The following GALNT13 variants were observed in gnomAD, a reference collection of about 807,000 sequenced individuals.
GALNT13 encodes the protein polypeptide N-acetylgalactosaminyltransferase 13.
Under a neutral mutation model 64.2 loss-of-function variants are expected in GALNT13, and 28 were observed. The ratio of observed to expected loss-of-function variants is 0.44; its 90% CI spans 0.32 to 0.60. The LOEUF (loss-of-function observed/expected upper bound fraction) is 0.60, where lower values mean the gene tolerates loss of function less well. Among genes scored for constraint, GALNT13 ranks in the 20% least tolerant of loss-of-function variants. GALNT13 has a pLI of 0.05. For synonymous variants in GALNT13, 214 were observed against 224.6 expected, an observed-to-expected ratio of 0.95 and a Z score of 0.42; for missense variants, 577 against 669.8, an observed-to-expected ratio of 0.86 and a Z score of 1.53.
chr2:154,129,043 T>G (rs2105540727), intron 3 of GALNT13, among the ~76,000 whole-genome samples: 1 of 152,296 alleles, frequency 6.6e-6, no homozygotes, highest in Non-Finnish European at 1.5e-5. Context: ...TTATTGTTTT[T>G]TTAGCATCAC....
At chr2:153,841,277 T>A in the GALNT13 span, among the ~76,000 whole-genome samples, 1 of 152,160 alleles carries the variant, frequency 6.6e-6, no homozygotes, top group East Asian at 1.9e-4. Flanking sequence ...AATTACCACC[T>A]TTAAAAATAC....
At chr2:153,530,887 A>G in the GALNT13 span, among the ~76,000 whole-genome samples, 1 of 152,194 alleles carries the variant, frequency 6.6e-6, no homozygotes, top group Non-Finnish European at 1.5e-5. Context: ...CAAAAATCAA[A>G]TAAAAATTGA....
At chr2:153,083,003 A>G in the GALNT13 span, among the ~76,000 whole-genome samples, 1 of 151,408 alleles carries the variant, frequency 6.6e-6, no homozygotes, top group African/African-American at 2.4e-5. Context: ...TAATTTTTGT[A>G]TTTTTAGTAG....
At chr2:154,209,477 G>A (rs1030827623) in intron 4 of GALNT13, among the ~76,000 whole-genome samples, 1 of 152,134 alleles carries the variant, frequency 6.6e-6, no homozygotes, top group South Asian at 2.1e-4. Flanking sequence ...TTACTGAATT[G>A]AATTCAGTTT....
intron 3 of GALNT13, among the ~76,000 whole-genome samples, chr2:154,091,480 G>A (rs1184251276): frequency 1.3e-5 from 2 of 151,564 alleles, no homozygotes; most frequent in African/African-American, 4.8e-5. Flanking sequence ...TAAATAATTT[G>A]TATTAAACAT....
the GALNT13 span, among the ~76,000 whole-genome samples, chr2:153,496,023 C>A: frequency 2.0e-5 from 3 of 152,120 alleles, no homozygotes; most frequent in African/African-American, 7.2e-5. Flanking sequence ...TATAGCCCTG[C>A]CGATGGTGTC....
the GALNT13 span, among the ~76,000 whole-genome samples, chr2:153,864,421 A>C: frequency 6.6e-6 from 1 of 152,168 alleles, no homozygotes; most frequent in Non-Finnish European, 1.5e-5. Flanking sequence ...TTCTCTTTGA[A>C]GCAATTGTGA....
the GALNT13 span, among the ~76,000 whole-genome samples, chr2:153,257,901 C>G: frequency 1.3e-5 from 2 of 152,172 alleles, no homozygotes; most frequent in East Asian, 1.9e-4. Context: ...TTGACTTATA[C>G]AGCCAATAAA....
intron 3 of GALNT13, among the ~76,000 whole-genome samples, chr2:154,089,004 C>A (rs540003065): frequency 6.6e-6 from 1 of 152,174 alleles, no homozygotes; most frequent in East Asian, 1.9e-4. Context: ...TTTCTCTTTA[C>A]CTGATTATCT....
chr2:153,224,462 C>T, the GALNT13 span, among the ~76,000 whole-genome samples: 2 of 150,374 alleles, frequency 1.3e-5, no homozygotes, highest in Non-Finnish European at 3.0e-5. Context: ...AAAACATGCC[C>T]ATGTACCCCC....
the GALNT13 span, among the ~76,000 whole-genome samples, chr2:153,619,176 C>T: frequency 6.6e-6 from 1 of 151,712 alleles, no homozygotes; most frequent in East Asian, 1.9e-4. Context: ...TTTTTATTTT[C>T]TGTGTATCCA....
intron 7 of GALNT13, among the ~76,000 whole-genome samples, chr2:154,252,358 T>C (rs1559049430): frequency 1.5e-5 from 2 of 131,012 alleles, no homozygotes. Context: ...TTTATTATTA[T>C]TATTTTTTTT....
At chr2:153,283,130 G>T in the GALNT13 span, among the ~76,000 whole-genome samples, 1 of 152,172 alleles carries the variant, frequency 6.6e-6, no homozygotes, top group African/African-American at 2.4e-5. Context: ...TCCATGCTCA[G>T]CCCCAGGGAG....
intron 9 of GALNT13, among the ~76,000 whole-genome samples, chr2:154,333,759 G>A (rs1695291793): frequency 6.6e-6 from 1 of 152,008 alleles, no homozygotes; most frequent in African/African-American, 2.4e-5. Flanking sequence ...GGAGTTGGCA[G>A]CTTATCCCTC....
chr2:154,255,888 C>CA (rs1420205376), intron 7 of GALNT13, among the ~76,000 whole-genome samples: 4 of 151,654 alleles, frequency 2.6e-5, no homozygotes, highest in East Asian at 3.9e-4. Flanking sequence ...TCTGTCTCTA[C>CA]AAAAAATACA....
the GALNT13 span, among the ~76,000 whole-genome samples, chr2:153,435,006 A>G: frequency 9.2e-5 from 14 of 152,170 alleles, no homozygotes; most frequent in African/African-American, 2.9e-4. Context: ...TAATTTTTGT[A>G]TACTGTGTAA....
At position 154,161,036 on chromosome 2, in the gene GALNT13, AC is replaced by A. The variant is rs1684697323; in HGVS notation, c.311+20533del. 2.0e-5 allele frequency among the ~76,000 whole-genome samples: 3 copies of A among 152,152 alleles called. No homozygotes were observed. The South Asian group carries it at 6.2e-4, about 31-fold the overall frequency. On this transcript the variant is annotated intron_variant, in intron 4 of 12. Coordinates refer to ENST00000392825, the MANE Select transcript of GALNT13 (RefSeq NM_052917.4). ...TCTATGCTTACCACATTTATCTGTT[AC>A]CGCACAGTATACAAGCCTCAAAGTC...
chr2:153,628,528 C>T, the GALNT13 span, among the ~76,000 whole-genome samples: 1 of 151,442 alleles, frequency 6.6e-6, no homozygotes, highest in African/African-American at 2.4e-5. Flanking sequence ...CCATCAATAC[C>T]TAATTTATTG....
chr2:154,361,224 T>C (rs1477335405), intron 9 of GALNT13, among the ~76,000 whole-genome samples: 1 of 152,114 alleles, frequency 6.6e-6, no homozygotes, highest in Non-Finnish European at 1.5e-5. Flanking sequence ...TAGGGGCATG[T>C]TGTAGATTAA....
Sources: gnomAD v4.1 joint callset for allele counts (sites outside exome capture counted in the v4.1 genomes callset) on GRCh38, gnomAD v4.1.1 for gene constraint, MANE v1.5 for transcripts, NCBI Gene and HGNC (gene_info 2026-07-23, HGNC 2026-07-21) for gene names.